Variants in SYNE2 observed in about 807,000 individuals in gnomAD.
SYNE2 encodes spectrin repeat containing nuclear envelope protein 2.
Under a neutral mutation model 856.3 loss-of-function variants are expected in SYNE2, and 431 were observed. The observed-to-expected ratio is 0.50, with a 90% CI of 0.47 to 0.55. The LOEUF is 0.55. Ranked by LOEUF, SYNE2 falls within the 20% of genes least tolerant of loss-of-function variation. SYNE2 has a pLI of 0.00. For synonymous variants in SYNE2, 2,923 were observed against 2,872.3 expected, an observed-to-expected ratio of 1.02 and a Z score of -0.56; for missense variants, 8,129 against 8,023.2, an observed-to-expected ratio of 1.01 and a Z score of -0.50.
chr14:63,928,547 C>T (rs149894124), intron 2 of SYNE2, among the ~76,000 whole-genome samples: 21 of 152,340 alleles, frequency 1.4e-4, no homozygotes, highest in African/African-American at 4.1e-4. Flanking sequence ...CTTGCTTTCT[C>T]TATTAGTTAA....
chr14:63,965,495 C>T (rs372891322), intron 10 of SYNE2, among the ~76,000 whole-genome samples: 2 of 152,176 alleles, frequency 1.3e-5, no homozygotes, highest in African/African-American at 4.8e-5. Context: ...ATTCCCTGTA[C>T]AGTCTTGAAA....
At chr14:63,860,279 C>G (rs922158523) in intron 1 of SYNE2, among the ~76,000 whole-genome samples, 9 of 150,062 alleles carry the variant, frequency 6.0e-5, no homozygotes, top group Non-Finnish European at 8.8e-5. Flanking sequence ...ACTTGGAGAA[C>G]CCTCCCCTCC....
rs1202269861 is a variant in SYNE2, at chr14:64,214,306, C to T, written c.19169C>T (p.Pro6390Leu). The T allele has an allele frequency of 6.2e-7, 1 of 1,614,146 alleles. No homozygotes were observed. Among genetic ancestry groups the T allele is most frequent in the South Asian group, 1.1e-5 (1 of 91,068 alleles). ...GGAGAGAGCGAGGAACCGTCATCTC[C>T]TCAGTCCCTGTGTCATCTAGTGGCC... ...KRGESEEPSS[P>L]QSLCHLVAPG... Residue 6390 changes from proline to leucine, a missense_variant, in exon 106 of 116, where the codon CCT becomes CTT. Around this residue, in one of 3 missense-constraint regions of SYNE2, gnomAD observed 5,410 missense variants for 5,284.8 expected, o/e 1.02. Transcript: ENST00000555002.
chr14:63,785,733 T>G (rs987617940), intron 1 of SYNE2, among the ~76,000 whole-genome samples: 2 of 152,154 alleles, frequency 1.3e-5, no homozygotes, highest in Admixed American at 6.6e-5. Flanking sequence ...ATATGAAGCT[T>G]TAGTGAAGCT....
chr14:63,949,531 C>G (rs2096116607), intron 6 of SYNE2, among the ~76,000 whole-genome samples: 1 of 152,134 alleles, frequency 6.6e-6, no homozygotes, highest in African/African-American at 2.4e-5. Flanking sequence ...TGTTAAACTA[C>G]AGTGAAGTGC....
intron 45 of SYNE2, among the ~76,000 whole-genome samples, chr14:64,036,331 G>T (rs2153554509): frequency 6.6e-6 from 1 of 152,194 alleles, no homozygotes; most frequent in Admixed American, 6.5e-5. Flanking sequence ...CTGTCACCCA[G>T]GCTGGAGTGC....
chr14:64,213,930 C>G (rs548664423), intron 105 of SYNE2, among the ~76,000 whole-genome samples: 2 of 152,228 alleles, frequency 1.3e-5, no homozygotes, highest in South Asian at 4.1e-4. Context: ...AGTTGTTTAA[C>G]TTAGATTATC....
intron 14 of SYNE2, among the ~76,000 whole-genome samples, chr14:63,980,284 TTAA>T (rs2096576028): frequency 6.6e-6 from 1 of 152,224 alleles, no homozygotes; most frequent in Non-Finnish European, 1.5e-5. Context: ...TTACTCAGTA[TTAA>T]TAAAGCATGT....
chr14:63,943,671 TATTA>T lies in SYNE2; in HGVS notation c.408+1529_408+1532del, dbSNP rs201247946. 6.4e-3 allele frequency among the ~76,000 whole-genome samples: 949 copies of T among 148,462 alleles called. 5 individuals carry two copies. The highest frequency in any genetic ancestry group is 0.02 in the East Asian group (97 of 4,824). ...TTATTTTTATTTTTTTATTACTTATTATTATTATTTTTTTTTTGAGACAGAGTCT... is the reference window on the plus strand; with the variant it reads ...TTATTTTTATTTTTTTATTACTTATTTTATTTTTTTTTTGAGACAGAGTCT... On this transcript the variant is annotated intron_variant, in intron 6 of 115. Coordinates refer to ENST00000555002, the MANE Select transcript of SYNE2 (RefSeq NM_182914.3).
chr14:64,070,955 T>C (rs747579569), intron 52 of SYNE2, 45 bp downstream of exon 52: 5 of 1,606,090 alleles, frequency 3.1e-6, no homozygotes, highest in Non-Finnish European at 4.3e-6. Flanking sequence ...TTGACAATTA[T>C]GGCTCAAAAT....
chr14:64,178,357 A>G (rs370736447), intron 96 of SYNE2, among the ~76,000 whole-genome samples: 7 of 152,264 alleles, frequency 4.6e-5, no homozygotes, highest in African/African-American at 1.7e-4. Context: ...TGTATGATCT[A>G]ACTTCTCCTT....
At position 64,052,591 on chromosome 14, in the gene SYNE2, C is replaced by T; in HGVS notation, c.8678C>T (p.Thr2893Ile). 1.2e-6 allele frequency: 2 copies of T among 1,614,118 alleles called. No individual in the cohort carries two copies. The highest frequency in any genetic ancestry group is 1.7e-6 in the Non-Finnish European group (2 of 1,180,032). Residue 2893 changes from threonine to isoleucine, a missense_variant, in exon 48 of 116, where the codon ACA (threonine) becomes ATA (isoleucine). Coordinates refer to ENST00000555002, the MANE Select transcript of SYNE2 (RefSeq NM_182914.3). ...ELQEIDSGIS[T>I]HLQELTNIYE... is the part of the protein sequence containing the mutation. ...CAAGAAATTGACAGTGGAATCTCAACACATCTTCAGGAGCTAACAAACATC... is the reference window on the plus strand; with the variant it reads ...CAAGAAATTGACAGTGGAATCTCAATACATCTTCAGGAGCTAACAAACATC...
intron 7 of SYNE2, among the ~76,000 whole-genome samples, chr14:63,954,235 T>A (rs2096210706): frequency 6.6e-6 from 1 of 152,200 alleles, no homozygotes; most frequent in African/African-American, 2.4e-5. Context: ...CAATGTATCA[T>A]TTAATTTGTC....
chr14:64,000,893 G>C (rs544042055), intron 28 of SYNE2, among the ~76,000 whole-genome samples, 174 bp downstream of exon 28: 3 of 152,194 alleles, frequency 2.0e-5, no homozygotes, highest in Admixed American at 6.5e-5. Flanking sequence ...CTGATACTCA[G>C]AGAGGTTAAA....
At chr14:63,935,538 C>A (rs114280669) in intron 2 of SYNE2, among the ~76,000 whole-genome samples, 2,308 of 152,128 alleles carry the variant, frequency 0.015, 51 homozygotes, top group African/African-American at 0.053. Flanking sequence ...TATTGCAGGC[C>A]AAATACCAAC....
At chr14:64,125,581 G>T (rs1421508996) in intron 71 of SYNE2, among the ~76,000 whole-genome samples, 1 of 152,170 alleles carries the variant, frequency 6.6e-6, no homozygotes, top group Non-Finnish European at 1.5e-5. Context: ...GTTATGTGAG[G>T]TGTCTATCAG....
At chr14:64,026,521 C>T in intron 41 of SYNE2, 58 bp from the exon 42 acceptor site, 1 of 1,281,132 alleles carries the variant, frequency 7.8e-7, no homozygotes, top group Non-Finnish European at 1.1e-6. Context: ...AAAGAGATAG[C>T]ATGTAGTATC....
chr14:63,772,912 G>A (rs1278166859), intron 1 of SYNE2, among the ~76,000 whole-genome samples: 1 of 151,284 alleles, frequency 6.6e-6, no homozygotes, highest in Non-Finnish European at 1.5e-5. Context: ...CGAGTAGCTT[G>A]GATTACAGGT....
chr14:63,810,099 C>T (rs1422019609), intron 1 of SYNE2, among the ~76,000 whole-genome samples: 1 of 152,000 alleles, frequency 6.6e-6, no homozygotes, highest in African/African-American at 2.4e-5. Context: ...ATGGTACATG[C>T]CTTTAGTTCT....
Sources: allele counts gnomAD v4.1 joint callset (sites outside exome capture counted in the v4.1 genomes callset), GRCh38; gene constraint gnomAD v4.1.1; regional missense constraint gnomAD v4.1.1; transcripts MANE v1.5; gene names NCBI Gene and HGNC (gene_info 2026-07-23, HGNC 2026-07-21).